CCDC149: variants seen among roughly 807,000 people sequenced by gnomAD.
The protein encoded by CCDC149 is coiled-coil domain containing 149, also known as coiled-coil domain-containing protein 149.
CCDC149 carries 45 observed loss-of-function variants against 59.9 expected under a neutral mutation model. That is an observed-to-expected ratio of 0.75 (90% CI 0.59 to 0.96). The LOEUF is 0.96. Ranked by LOEUF, CCDC149 falls within the 40% of genes least tolerant of loss-of-function variation. CCDC149 has a pLI of 0.00. For synonymous variants in CCDC149, 245 were observed against 260.6 expected, an observed-to-expected ratio of 0.94 and a Z score of 0.58; for missense variants, 584 against 664.7, an observed-to-expected ratio of 0.88 and a Z score of 1.33.
chr4:24,831,458 C>T (rs1207136780), intron 9 of CCDC149, 48 bp downstream of exon 9: 7 of 1,603,134 alleles, frequency 4.4e-6, no homozygotes, highest in Non-Finnish European at 6.0e-6. Flanking sequence ...GTAGCCTCGT[C>T]CCACTTCCTT....
intron 8 of CCDC149, among the ~76,000 whole-genome samples, chr4:24,833,230 G>GAAA (rs200486654): frequency 1.4e-5 from 2 of 142,968 alleles, no homozygotes; most frequent in Non-Finnish European, 3.1e-5. Context: ...TTTCAAAAAT[G>GAAA]AAAAAAAAAA....
intron 1 of CCDC149, among the ~76,000 whole-genome samples, chr4:24,944,899 A>G (rs895328973): frequency 6.6e-6 from 1 of 152,212 alleles, no homozygotes; most frequent in Non-Finnish European, 1.5e-5. Flanking sequence ...AGGTCATCAG[A>G]GCTCAGGTGC....
At chr4:24,961,272 G>A (rs1046597414) in intron 1 of CCDC149, among the ~76,000 whole-genome samples, 5 of 152,124 alleles carry the variant, frequency 3.3e-5, no homozygotes, top group Non-Finnish European at 2.9e-5. Flanking sequence ...TGCTCCAGAC[G>A]CCTCCAACCA....
intron 1 of CCDC149, among the ~76,000 whole-genome samples, chr4:24,893,915 G>A (rs1306923468): frequency 6.6e-6 from 1 of 151,982 alleles, no homozygotes; most frequent in East Asian, 1.9e-4. Flanking sequence ...CTAAAATCCA[G>A]ACTTCTTAAA....
Position 24,927,529 on chromosome 4 carries a change from A to T in CCDC149, c.-64-32411T>A, listed in dbSNP as rs146022461. On this transcript the variant is annotated intron_variant, in intron 1 of 12. Transcript: ENST00000389609. Reference sequence around the variant, plus strand: ...CAAGAACACGACTCAAACTTCTGTAAATGTAAATCTTCATAAAAATAGTTG... The same window carrying T: ...CAAGAACACGACTCAAACTTCTGTATATGTAAATCTTCATAAAAATAGTTG... Among the ~76,000 whole-genome samples the T allele has an allele frequency of 1.1e-3, 163 of 152,338 alleles. 1 individual carries two copies. The highest frequency in any genetic ancestry group is 3.6e-3 in the African/African-American group (150 of 41,572).
chr4:24,894,036 A>C (rs1047264522), intron 1 of CCDC149, among the ~76,000 whole-genome samples: 5 of 152,200 alleles, frequency 3.3e-5, no homozygotes, highest in Admixed American at 3.3e-4. Context: ...AGACTTCAGA[A>C]TCAGAGAAAC....
At chr4:24,910,798 T>C (rs1182705487) in intron 1 of CCDC149, among the ~76,000 whole-genome samples, 2 of 152,196 alleles carry the variant, frequency 1.3e-5, no homozygotes, top group East Asian at 3.8e-4. Context: ...TGCAAGTTCC[T>C]TAGCCTGTCT....
At chr4:24,816,632 T>C (rs1715030223) in intron 12 of CCDC149, among the ~76,000 whole-genome samples, 1 of 151,692 alleles carries the variant, frequency 6.6e-6, no homozygotes. Context: ...CAGCCAAGAG[T>C]GGGAAAATAT....
At chr4:24,811,659 G>A (rs937207830) in intron 12 of CCDC149, among the ~76,000 whole-genome samples, 4 of 152,090 alleles carry the variant, frequency 2.6e-5, no homozygotes, top group African/African-American at 7.2e-5. Flanking sequence ...GATCACCTGA[G>A]GTCAGGAGTT....
chr4:24,934,277 T>G (rs59463967), intron 1 of CCDC149, among the ~76,000 whole-genome samples: 1 of 152,278 alleles, frequency 6.6e-6, no homozygotes, highest in Admixed American at 6.5e-5. Flanking sequence ...AGTGAATAAG[T>G]CTCATGAAAT....
chr4:24,833,020 C>T (rs1466973834), intron 8 of CCDC149, among the ~76,000 whole-genome samples: 1 of 152,060 alleles, frequency 6.6e-6, no homozygotes, highest in Non-Finnish European at 1.5e-5. Flanking sequence ...CTTTTTCTAC[C>T]CTAGGGTCAC....
At chr4:24,878,426 CT>C (rs1309509582) in intron 1 of CCDC149, among the ~76,000 whole-genome samples, 1 of 152,158 alleles carries the variant, frequency 6.6e-6, no homozygotes, top group Non-Finnish European at 1.5e-5. Context: ...CAAAATGGTT[CT>C]GTTGCCACAG....
At chr4:24,828,779 AAAAC>A (rs983672536) in intron 9 of CCDC149, 20 of 152,346 alleles carry the variant, frequency 1.3e-4, no homozygotes, top group Admixed American at 1.3e-4. Flanking sequence ...AGACCCCGTC[AAAAC>A]AAACAAACAA....
chr4:24,882,175 TC>T (rs1454118537), intron 1 of CCDC149, among the ~76,000 whole-genome samples: 1 of 152,076 alleles, frequency 6.6e-6, no homozygotes, highest in Non-Finnish European at 1.5e-5. Flanking sequence ...ACTTATTTCC[TC>T]AGATGCAAAG....
intron 3 of CCDC149, among the ~76,000 whole-genome samples, chr4:24,866,795 A>G (rs1353109135): frequency 5.3e-5 from 6 of 113,820 alleles, no homozygotes; most frequent in Non-Finnish European, 8.3e-5. Context: ...AAAGCAAAAA[A>G]AAAAAAAAAA....
rs190008603 is a variant in CCDC149 at position 24,824,755 on chromosome 4, G to A, written c.966-2182C>T. Among the ~76,000 whole-genome samples the A allele has an allele frequency of 1.1e-4, 17 of 152,288 alleles. No homozygotes were observed. In the East Asian group the frequency reaches 2.7e-3, roughly 24 times the overall value. On this transcript the variant is annotated intron_variant, in intron 9 of 12. Coordinates refer to ENST00000635206, the MANE Select transcript of CCDC149 (RefSeq NM_001330643.2). ...ACTCAGCTGGTGGTGAGGCTGTATC[G>A]GAATGTAAGCCTGGACTTGCTTCTG...
chr4:24,917,380 G>C (rs892248354), upstream of CCDC149, among the ~76,000 whole-genome samples: 1 of 152,224 alleles, frequency 6.6e-6, no homozygotes, highest in Non-Finnish European at 1.5e-5. Flanking sequence ...GGCTGATGAC[G>C]GCCTGGCAGG....
At chr4:24,857,972 G>A (rs571776278) in intron 3 of CCDC149, among the ~76,000 whole-genome samples, 7 of 152,194 alleles carry the variant, frequency 4.6e-5, no homozygotes, top group African/African-American at 7.2e-5. Context: ...TTGAAAACTA[G>A]AAAATGACTA....
At chr4:24,852,010 G>A (rs1274163932) in intron 4 of CCDC149, among the ~76,000 whole-genome samples, 1 of 151,710 alleles carries the variant, frequency 6.6e-6, no homozygotes, top group Non-Finnish European at 1.5e-5. Flanking sequence ...AAGTGGAGAA[G>A]AAGCTGTGTA....
Sources: allele counts gnomAD v4.1 joint callset (sites outside exome capture counted in the v4.1 genomes callset), GRCh38; gene constraint gnomAD v4.1.1; transcripts MANE v1.5; gene names NCBI Gene and HGNC (gene_info 2026-07-23, HGNC 2026-07-21).